IGSF9: variants seen among roughly 807,000 people sequenced by gnomAD.
IGSF9 encodes the protein immunoglobulin superfamily member 9.
A neutral mutation model predicts 121.7 loss-of-function variants in IGSF9; 87 were observed. The ratio of observed to expected loss-of-function variants is 0.71; its 90% confidence interval spans 0.60 to 0.85. The LOEUF is 0.85. Among genes scored for constraint, IGSF9 ranks in the 40% least tolerant of loss-of-function variants. IGSF9 has a pLI of 0.00. For missense variants in IGSF9, 1,462 were observed against 1,565.3 expected (o/e 0.93, Z 1.11); for synonymous variants, 640 against 648.4 (o/e 0.99, Z 0.20).
chr1:159,943,757 AG>A lies in IGSF9; in HGVS notation c.-174-130del, dbSNP rs3215993. The A allele has an allele frequency of 7.1e-3, 1,985 of 280,732 alleles. 11 individuals are homozygous for A. The highest frequency in any genetic ancestry group is 0.01 in the Non-Finnish European group (1,576 of 152,624). The allele number at this position is 280,732 out of a possible 1,614,324, so 17.4% of individuals were successfully genotyped here. Reference sequence around the variant, plus strand: ...TGTAGTTAAGTGAGGGGTAGGGGGAAGGGGGGGATCTTGAAGCCCTGGGGAG... The same window carrying A: ...TGTAGTTAAGTGAGGGGTAGGGGGAAGGGGGGATCTTGAAGCCCTGGGGAG... On this transcript the variant is annotated intron_variant, in intron 1 of 20. Coordinates refer to ENST00000368094, the MANE Select transcript of IGSF9 (RefSeq NM_001135050.2).
chr1:159,943,708 C>T (rs1651488305), intron 1 of IGSF9, 80 bp from the exon 2 acceptor site: 2 of 396,320 alleles, frequency 5.0e-6, no homozygotes, highest in Non-Finnish European at 8.8e-6. Context: ...GAGAAAGGCA[C>T]TGGGAAGAGA....
In IGSF9 at chr1:159,928,647, G is replaced by A. The variant is rs35574000; in HGVS notation, c.2741C>T (p.Pro914Leu). Residue 914 changes from proline to leucine, a missense_variant, in exon 19 of 21, where the codon CCC (proline) becomes CTC (leucine). Pro to Leu is a moderately conservative substitution (Grantham distance 98, BLOSUM62 -3). Around this residue, in one of 3 missense-constraint regions of IGSF9, gnomAD observed 808 missense variants for 815.2 expected, o/e 0.99. Transcript: ENST00000368094. ...SPVAPPPAAPPSPLPGPGPLL... is the reference protein window; with the variant it reads ...SPVAPPPAAPLSPLPGPGPLL... ...GGGTCCAGGACCTGGCAAGGGACTG[G>A]GTGGGGCTGCTGGAGGGGGTGCCAC... 3.8e-3 allele frequency: 5,654 copies of A among 1,482,376 alleles called. 161 individuals are homozygous for A. The African/African-American group carries it at 0.066, about 17-fold the overall frequency. 91.8% of individuals were successfully genotyped at this position (1,482,376 alleles called of 1,614,324 possible). A position where few individuals can be genotyped will look rare whatever the true frequency, so the allele number is the denominator to read the frequency against.
chr1:159,931,872 C>T lies in IGSF9; in HGVS notation c.1302G>A (p.Arg434=). The T allele has an allele frequency of 6.3e-7, 1 of 1,598,104 alleles. No individual in the cohort carries two copies. The highest frequency in any genetic ancestry group is 8.5e-7 in the Non-Finnish European group (1 of 1,174,958). ...GGGCGGAGCAGGGGATGAGCAGCTCCCGCCCTACTTCTTGGAAATATTCTT... is the reference window on the plus strand; with the variant it reads ...GGGCGGAGCAGGGGATGAGCAGCTCTCGCCCTACTTCTTGGAAATATTCTT... ...PKEEYFQEVG[R]ELLIPCSAQG... is the part of the protein sequence containing the mutation. The change falls in exon 11 of 21, where the codon CGG becomes CGA. Residue 434 remains arginine, a synonymous_variant. Transcript: ENST00000368094. This position sits in a 1 kb window ranked among gnomAD's most constrained non-coding sequence, Gnocchi z 4.8.
At position 159,931,992 on chromosome 1, in the gene IGSF9, C is replaced by T; in HGVS notation, c.1246-64G>A. On this transcript the variant is annotated intron_variant, in intron 10 of 20. Transcript: ENST00000368094. The surrounding 1 kb of genome is among the most constrained non-coding windows in gnomAD (Gnocchi z 4.8). ...ACATCTAAGGCTGGCTACTCCCTCT[C>T]TCTGTGCTCCCTGTCATGCCATGTC... 1.0e-6 allele frequency: 1 copy of T among 991,252 alleles called. No individual in the cohort carries two copies. The highest frequency in any genetic ancestry group is 1.5e-6 in the Non-Finnish European group (1 of 651,540). 61.4% of individuals were successfully genotyped at this position (991,252 alleles called of 1,614,324 possible).
chr1:159,934,649 C>T (rs776741205), intron 7 of IGSF9, 32 bp downstream of exon 7: 36 of 1,613,864 alleles, frequency 2.2e-5, no homozygotes, highest in Non-Finnish European at 2.6e-5. Context: ...GTGAATTCCC[C>T]ACCTCCACCT....
intron 20 of IGSF9, 24 bp from the exon 21 acceptor site, chr1:159,927,550 G>A: frequency 6.2e-7 from 1 of 1,603,746 alleles, no homozygotes; most frequent in Non-Finnish European, 8.5e-7. Context: ...GCAGGACAAT[G>A]AGAAGAAGCC....
rs779958230 is a variant in IGSF9 at position 159,936,838 on chromosome 1, A to G, written c.471T>C (p.Arg157=). The G allele has an allele frequency of 3.7e-5, 60 of 1,614,142 alleles. No homozygotes were observed. Among genetic ancestry groups the G allele is most frequent in the Non-Finnish European group, 5.1e-5 (60 of 1,180,000 alleles). The change falls in exon 5 of 21, where the codon CGT becomes CGC. Residue 157 remains arginine (R), a synonymous_variant. Coordinates refer to ENST00000368094, the MANE Select transcript of IGSF9 (RefSeq NM_001135050.2). ...GCAGGGGGCTGCCACGGGCCACACA[A>G]CGCAGGGTCACAGGCTCCAGTTCCT... ...EVQELEPVTL[R]CVARGSPLPH...
chr1:159,937,859 CA>C, intron 3 of IGSF9, 21 bp from the exon 4 acceptor site: 1 of 1,609,466 alleles, frequency 6.2e-7, no homozygotes, highest in Non-Finnish European at 8.5e-7. Context: ...AGCCCTGAAT[CA>C]AGGGTGCTGA....
In IGSF9 at chr1:159,932,772, T is replaced by C. The variant is rs552528999; in HGVS notation, c.1105-120A>G. 65 of 988,030 alleles carry C rather than the reference T, an allele frequency of 6.6e-5. 1 individual carries two copies. Among genetic ancestry groups the C allele is most frequent in the Middle Eastern group, 5.0e-4 (2 of 3,992 alleles). The allele number at this position is 988,030 out of a possible 1,614,324, so 61.2% of individuals were successfully genotyped here. A position where few individuals can be genotyped will look rare whatever the true frequency, so the allele number is the denominator to read the frequency against. On this transcript the variant is annotated intron_variant, in intron 9 of 20. Coordinates refer to ENST00000368094, the MANE Select transcript of IGSF9 (RefSeq NM_001135050.2). The surrounding 1 kb of genome is among the most constrained non-coding windows in gnomAD (Gnocchi z 4.1). ...CAGCTGTGCAGAAGACTCCAGCAGCTCCATGTCTAGGCCTGACCCCTCTCT... is the reference window on the plus strand; with the variant it reads ...CAGCTGTGCAGAAGACTCCAGCAGCCCCATGTCTAGGCCTGACCCCTCTCT...
intron 19 of IGSF9, 131 bp from the exon 20 acceptor site, chr1:159,928,018 A>C: frequency 6.7e-7 from 1 of 1,485,628 alleles, no homozygotes; most frequent in Non-Finnish European, 9.1e-7. Flanking sequence ...CCTGGACCTC[A>C]GCAAAAGCTT....
intron 1 of IGSF9, 48 bp from the exon 2 acceptor site, chr1:159,943,676 C>G (rs374011578): frequency 2.4e-6 from 1 of 414,022 alleles, no homozygotes; most frequent in Non-Finnish European, 4.2e-6. Flanking sequence ...AATACTGGAG[C>G]CCAGAAGAAA....
Position 159,928,824 on chromosome 1 carries a change from A to G in IGSF9, c.2564T>C (p.Met855Thr). ...CTGGGGGGCCGCCACAGTGGGCCCC[A>G]TCACAAAGCGCCCGTCTGGGCCCCG... ...ICRGPDGRFVMGPTVAAPQER... is the reference protein window; with the variant it reads ...ICRGPDGRFVTGPTVAAPQER... Residue 855 changes from methionine to threonine, a missense_variant, in exon 19 of 21, where the codon ATG becomes ACG. Transcript: ENST00000368094. The G allele has an allele frequency of 6.6e-7, 1 of 1,525,436 alleles. No homozygotes were observed. The highest frequency in any genetic ancestry group is 1.3e-5 in the South Asian group (1 of 78,888). 94.5% of individuals were successfully genotyped at this position (1,525,436 alleles called of 1,614,324 possible).
In IGSF9 at chr1:159,932,297, ATG is replaced by A. The variant is rs1464245582; in HGVS notation, c.1245+213_1245+214del. 7 of 597,174 alleles carry A rather than the reference ATG, an allele frequency of 1.2e-5. No individual in the cohort carries two copies. The highest frequency in any genetic ancestry group is 6.0e-5 in the South Asian group (3 of 50,300). The allele number at this position is 597,174 out of a possible 1,614,324, so 37.0% of individuals were successfully genotyped here. ...GGCAAACAGGATATCTTACTTCTGGATGTGTGTGACTGATGTCCCACCTCCCG... is the reference window on the plus strand; with the variant it reads ...GGCAAACAGGATATCTTACTTCTGGATGTGTGACTGATGTCCCACCTCCCG... On this transcript the variant is annotated intron_variant, in intron 10 of 20. Coordinates refer to ENST00000368094, the MANE Select transcript of IGSF9 (RefSeq NM_001135050.2). The surrounding 1 kb of genome is among the most constrained non-coding windows in gnomAD (Gnocchi z 4.1).
At chr1:159,930,006 G>C in intron 15 of IGSF9, 31 bp from the exon 16 acceptor site, 1 of 1,591,300 alleles carries the variant, frequency 6.3e-7, no homozygotes, top group Non-Finnish European at 8.6e-7. Context: ...CAGGAGGGAG[G>C]TCAGGGCCCA....
chr1:159,939,094 GTCC>G (rs1021010043), intron 3 of IGSF9, among the ~76,000 whole-genome samples: 65 of 152,154 alleles, frequency 4.3e-4, no homozygotes, highest in African/African-American at 1.5e-3. Context: ...CTTCTCTGCT[GTCC>G]TCACCTTTAC....
intron 17 of IGSF9, 89 bp from the exon 18 acceptor site, chr1:159,929,482 C>T (rs1458193651): frequency 3.2e-6 from 5 of 1,541,354 alleles, no homozygotes; most frequent in Non-Finnish European, 8.9e-7. Flanking sequence ...GGCGCCCAAC[C>T]CCATCCGGCT....
chr1:159,929,750 G>T lies in IGSF9; in HGVS notation c.2214C>A (p.Gly738=). 1 of 1,604,636 alleles carries T rather than the reference G, an allele frequency of 6.2e-7. No individual in the cohort carries two copies. The change falls in exon 17 of 21, where the codon GGC becomes GGA. Residue 738 remains glycine (G), a synonymous_variant. Transcript: ENST00000368094. ...PGLLPQPVLA[G]VVGGVCFLGV... Reference sequence around the variant, plus strand: ...CCAGAAAGCAGACTCCGCCCACCACGCCGGCCAGCACGGGCTGAGGCAGGA... The same window carrying T: ...CCAGAAAGCAGACTCCGCCCACCACTCCGGCCAGCACGGGCTGAGGCAGGA...
chr1:159,936,876 C>G lies in IGSF9; in HGVS notation c.433G>C (p.Val145Leu), dbSNP rs373472105. The G allele has an allele frequency of 6.5e-5, 105 of 1,614,126 alleles. No homozygotes were observed. Among genetic ancestry groups the G allele is most frequent in the Non-Finnish European group, 8.5e-5 (100 of 1,180,030 alleles). Residue 145 changes from valine (V) to leucine (L), a missense_variant, in exon 5 of 21, where the codon GTG (valine) becomes CTG (leucine). Transcript: ENST00000368094. ...GGCTCCAGTTCCTGCACTTCCAACA[C>G]AGCAGGAGGTGTCTCCTGGAATTGA... ...PPQFQETPPA[V>L]LEVQELEPVT...
At chr1:159,939,022 G>A (rs1028461185) in intron 3 of IGSF9, among the ~76,000 whole-genome samples, 5 of 151,834 alleles carry the variant, frequency 3.3e-5, no homozygotes, top group African/African-American at 7.3e-5. Context: ...TAGATTCCTC[G>A]ATTACCTCCC....
Sources: gnomAD v4.1 joint callset for allele counts (sites outside exome capture counted in the v4.1 genomes callset) on GRCh38, gnomAD v4.1.1 for gene constraint, gnomAD v4.1.1 regional missense constraint, Gnocchi (gnomAD v3.1) non-coding constraint, MANE v1.5 for transcripts, NCBI Gene and HGNC (gene_info 2026-07-23, HGNC 2026-07-21) for gene names.